Variants in CNTNAP2 observed in about 807,000 individuals in gnomAD.
The protein encoded by CNTNAP2 is contactin associated protein 2.
Under a neutral mutation model 155.2 loss-of-function variants are expected in CNTNAP2, and 98 were observed. The ratio of observed to expected loss-of-function variants is 0.63; its 90% CI spans 0.54 to 0.75. The LOEUF (loss-of-function observed/expected upper bound fraction) is 0.75, where lower values mean the gene tolerates loss of function less well. CNTNAP2 is among the 30% of genes least tolerant of loss of function. The pLI, the probability that CNTNAP2 is intolerant of heterozygous loss-of-function variation, is 0.00. For missense variants in CNTNAP2, 1,727 were observed against 1,688.1 expected, an observed-to-expected ratio of 1.02 and a Z score of -0.40; for synonymous variants, 651 against 631.2, an observed-to-expected ratio of 1.03 and a Z score of -0.47.
chr7:146,354,177 A>G (rs1794963232), intron 1 of CNTNAP2, among the ~76,000 whole-genome samples: 1 of 152,148 alleles, frequency 6.6e-6, no homozygotes, highest in Admixed American at 6.5e-5. Context: ...ATTTTTCGCT[A>G]CTTACCAGTT....
intron 1 of CNTNAP2, among the ~76,000 whole-genome samples, chr7:146,515,707 C>A (rs1797531267): frequency 6.6e-6 from 1 of 151,920 alleles, no homozygotes; most frequent in Non-Finnish European, 1.5e-5. Flanking sequence ...AATACCTTGA[C>A]CCCAATGGGA....
At chr7:146,120,238 A>G (rs1797542455) in intron 1 of CNTNAP2, among the ~76,000 whole-genome samples, 1 of 152,130 alleles carries the variant, frequency 6.6e-6, no homozygotes, top group Non-Finnish European at 1.5e-5. Flanking sequence ...GACCTTGAAC[A>G]TAATAATGAA....
At chr7:147,637,747 A>G (rs1375640441) in intron 12 of CNTNAP2, among the ~76,000 whole-genome samples, 1 of 152,198 alleles carries the variant, frequency 6.6e-6, no homozygotes, top group African/African-American at 2.4e-5. Context: ...ATTTTTATCA[A>G]TAGTACATTA....
intron 15 of CNTNAP2, among the ~76,000 whole-genome samples, chr7:148,074,755 C>T (rs1220715077): frequency 2.0e-5 from 3 of 151,668 alleles, no homozygotes; most frequent in Non-Finnish European, 2.9e-5. Context: ...ATCTTTTCTC[C>T]AAGTTTTCTT....
At chr7:147,544,504 C>A (rs967998223) in intron 11 of CNTNAP2, among the ~76,000 whole-genome samples, 1 of 151,936 alleles carries the variant, frequency 6.6e-6, no homozygotes, top group East Asian at 1.9e-4. Flanking sequence ...TTGTTATAGG[C>A]TTTCAGAAAA....
At chr7:146,803,954 A>C (rs896702581) in intron 2 of CNTNAP2, among the ~76,000 whole-genome samples, 1 of 152,234 alleles carries the variant, frequency 6.6e-6, no homozygotes, top group African/African-American at 2.4e-5. Flanking sequence ...AATAGGTGGT[A>C]GGAAAGTTTA....
chr7:146,352,806 G>C (rs1218510221), intron 1 of CNTNAP2, among the ~76,000 whole-genome samples: 1 of 127,920 alleles, frequency 7.8e-6, no homozygotes, highest in African/African-American at 3.1e-5. Flanking sequence ...CCAGGCTGGA[G>C]TTCAGTGGTG....
rs1020914424 is a variant in CNTNAP2, at chr7:146,358,716, C to A, written c.97+241743C>A. Among the ~76,000 whole-genome samples, 7 of 152,078 alleles carry A rather than the reference C, an allele frequency of 4.6e-5. No homozygotes were observed. The South Asian group carries it at 1.0e-3, about 23-fold the overall frequency. ...GGTCTTTTTCTAATTTCAAAAGAAT[C>A]CAACAACTTAAAGCAGTCTAAAATG... On this transcript the variant is annotated intron_variant, in intron 1 of 23. Coordinates refer to ENST00000361727, the MANE Select transcript of CNTNAP2 (RefSeq NM_014141.6).
intron 1 of CNTNAP2, among the ~76,000 whole-genome samples, chr7:146,663,813 G>A (rs1800137786): frequency 6.6e-6 from 1 of 152,042 alleles, no homozygotes; most frequent in African/African-American, 2.4e-5. Context: ...AAAATTTTAT[G>A]TTTGCTCCTT....
At chr7:147,280,181 A>G (rs1215787476) in intron 8 of CNTNAP2, among the ~76,000 whole-genome samples, 1 of 151,966 alleles carries the variant, frequency 6.6e-6, no homozygotes, top group African/African-American at 2.4e-5. Context: ...AAGAAAATCA[A>G]CAGTGAAAAG....
At chr7:147,209,755 T>A (rs2116568730) in intron 8 of CNTNAP2, among the ~76,000 whole-genome samples, 1 of 152,072 alleles carries the variant, frequency 6.6e-6, no homozygotes, top group Middle Eastern at 3.4e-3. Flanking sequence ...TGAGGTATGT[T>A]CCTTTGATGC....
chr7:146,818,273 C>T (rs1803212387), intron 2 of CNTNAP2, among the ~76,000 whole-genome samples: 1 of 152,116 alleles, frequency 6.6e-6, no homozygotes, highest in Non-Finnish European at 1.5e-5. Context: ...TAAAATGGTG[C>T]ATGACGATTT....
intron 1 of CNTNAP2, among the ~76,000 whole-genome samples, chr7:146,527,500 T>A (rs1797708124): frequency 6.6e-6 from 1 of 151,952 alleles, no homozygotes; most frequent in African/African-American, 2.4e-5. Flanking sequence ...GTCATATGTC[T>A]GGAATTTATC....
At chr7:147,131,608 A>G (rs1584745367) in intron 7 of CNTNAP2, among the ~76,000 whole-genome samples, 1 of 152,230 alleles carries the variant, frequency 6.6e-6, no homozygotes, top group East Asian at 1.9e-4. Flanking sequence ...TATAAGCACA[A>G]TTCATGGGAA....
intron 3 of CNTNAP2, among the ~76,000 whole-genome samples, chr7:146,908,220 C>T (rs962836889): frequency 2.7e-5 from 4 of 149,774 alleles, no homozygotes; most frequent in Non-Finnish European, 5.9e-5. Context: ...TAACACCGCA[C>T]TGTCAACATT....
At chr7:146,859,193 C>A (rs1795049418) in intron 3 of CNTNAP2, among the ~76,000 whole-genome samples, 1 of 152,128 alleles carries the variant, frequency 6.6e-6, no homozygotes, top group African/African-American at 2.4e-5. Context: ...GAGAACAAGT[C>A]AAATCTTAAA....
chr7:147,341,794 ACACACAC>A, intron 9 of CNTNAP2, among the ~76,000 whole-genome samples: 1 of 151,840 alleles, frequency 6.6e-6, no homozygotes, highest in Non-Finnish European at 1.5e-5. Flanking sequence ...ACACACACAC[ACACACAC>A]AAATGCTACA....
intron 21 of CNTNAP2, among the ~76,000 whole-genome samples, chr7:148,379,892 G>A (rs367709258): frequency 3.9e-4 from 59 of 152,114 alleles, no homozygotes; most frequent in African/African-American, 1.3e-3. Flanking sequence ...CAACACTCCC[G>A]CCTCTCACTT....
At chr7:146,424,039 G>A (rs1796052089) in intron 1 of CNTNAP2, among the ~76,000 whole-genome samples, 1 of 152,072 alleles carries the variant, frequency 6.6e-6, no homozygotes, top group African/African-American at 2.4e-5. Flanking sequence ...TTTAGTAACT[G>A]TTAGTTTTTT....
Sources: gnomAD v4.1 joint callset for allele counts (sites outside exome capture counted in the v4.1 genomes callset) on GRCh38, gnomAD v4.1.1 for gene constraint, MANE v1.5 for transcripts, NCBI Gene and HGNC (gene_info 2026-07-23, HGNC 2026-07-21) for gene names.